The following YPEL1 variants were observed in gnomAD, a reference collection of about 807,000 sequenced individuals.
The protein encoded by YPEL1 is protein yippee-like 1.
A neutral mutation model predicts 17.3 loss-of-function variants in YPEL1; 7 were observed. That is an observed-to-expected ratio of 0.40 (90% CI 0.23 to 0.76). YPEL1 has a LOEUF of 0.76. YPEL1 is among the 30% of genes least tolerant of loss of function. The pLI, the probability that YPEL1 is intolerant of heterozygous loss-of-function variation, is 0.35. For synonymous variants in YPEL1, 59 were observed against 59.6 expected, an observed-to-expected ratio of 0.99 and a Z score of 0.05; for missense variants, 91 against 155.5, an observed-to-expected ratio of 0.59 and a Z score of 2.21.
chr22:21,708,679 T>TAAAAAAAAAAAAAAAAAA (rs2068136705), intron 2 of YPEL1, among the ~76,000 whole-genome samples: 5 of 149,372 alleles, frequency 3.3e-5, no homozygotes, highest in Non-Finnish European at 4.5e-5. Context: ...TTTTTTTTTT[T>TAAAAAAAAAAAAAAAAAA]TTTTAAGACA....
intron 1 of YPEL1, among the ~76,000 whole-genome samples, chr22:21,720,159 C>CA (rs1434260044): frequency 7.7e-6 from 1 of 129,408 alleles, no homozygotes; most frequent in Non-Finnish European, 1.6e-5. Context: ...GCCTGGGTGA[C>CA]AGAGCGAGAC....
chr22:21,706,846 AAAAT>A (rs940147249), intron 2 of YPEL1, among the ~76,000 whole-genome samples: 9 of 152,074 alleles, frequency 5.9e-5, no homozygotes, highest in South Asian at 2.1e-4. Flanking sequence ...GCCCTGTCTA[AAAAT>A]AAATAAATAA....
At position 21,703,442 on chromosome 22, in the gene YPEL1, G is replaced by T; in HGVS notation, c.198C>A (p.Val66=). 1 of 1,612,492 alleles carries T rather than the reference G, an allele frequency of 6.2e-7. No individual in the cohort carries two copies. Residue 66 remains valine (V), a synonymous_variant, in exon 4 of 5, where the codon GTC becomes GTA. Transcript: ENST00000339468. The surrounding 1 kb of genome is among the most constrained non-coding windows in gnomAD (Gnocchi z 6.1). ...NVGCGPAEER[V]LLTGLHAVAD... ...CAACCGCATGCAGCCCGGTGAGAAGGACCCTCTCCTCTGCAGGGCCGCAGC... is the reference window on the plus strand; with the variant it reads ...CAACCGCATGCAGCCCGGTGAGAAGTACCCTCTCCTCTGCAGGGCCGCAGC...
intron 1 of YPEL1, among the ~76,000 whole-genome samples, chr22:21,733,371 A>C (rs1455284861): frequency 6.6e-6 from 1 of 151,740 alleles, no homozygotes; most frequent in Admixed American, 6.6e-5. Flanking sequence ...AGCCGAGATC[A>C]TGCCACTGCA....
chr22:21,710,773 G>C lies in YPEL1; in HGVS notation c.-29C>G. 6.3e-7 allele frequency: 1 copy of C among 1,599,424 alleles called. No homozygotes were observed. The highest frequency in any genetic ancestry group is 8.6e-7 in the Non-Finnish European group (1 of 1,166,708). ...TCCTGGGCACTCCTCACTCAGCTCA[G>C]GGCTGGTTCTGGAAGAACCGTGGCT... is the stretch of plus-strand genomic sequence containing the variant. On this transcript the variant is annotated 5_prime_UTR_variant, in exon 2 of 5. Transcript: ENST00000339468.
At chr22:21,714,008 G>A (rs11913755) in intron 1 of YPEL1, among the ~76,000 whole-genome samples, 4,016 of 152,206 alleles carry the variant, frequency 0.026, 176 homozygotes, top group African/African-American at 0.091. Context: ...CGCCAGCAGT[G>A]TCCTCACACC....
intron 1 of YPEL1, among the ~76,000 whole-genome samples, chr22:21,724,503 C>T (rs1265278532): frequency 6.6e-6 from 1 of 151,986 alleles, no homozygotes; most frequent in Non-Finnish European, 1.5e-5. Context: ...CACCACTGCA[C>T]TCCAGCATGG....
At chr22:21,711,399 A>G (rs1430980691) in intron 1 of YPEL1, among the ~76,000 whole-genome samples, 3 of 152,244 alleles carry the variant, frequency 2.0e-5, no homozygotes, top group Non-Finnish European at 4.4e-5. Flanking sequence ...CTTTGGAAAC[A>G]TGAAAGGAGA....
rs1306130140 is a variant in YPEL1 at position 21,701,202 on chromosome 22, C to T, written c.287G>A (p.Ser96Asn). Residue 96 changes from serine (S) to asparagine (N), a missense_variant, in exon 5 of 5, where the codon AGC (serine) becomes AAC (asparagine). Ser to Asn is a conservative substitution (Grantham distance 46, BLOSUM62 1). Transcript: ENST00000339468. ...TTTTCCTTCCTTATATTTCTGACTG[C>T]TCTCAAAGGCATGCTCCTTGAAAAA... is the stretch of plus-strand genomic sequence containing the variant. ...LGWKYEHAFESSQKYKEGKFI... is the reference protein window; with the variant it reads ...LGWKYEHAFENSQKYKEGKFI... 1.2e-6 allele frequency: 2 copies of T among 1,613,580 alleles called. No individual in the cohort carries two copies. Among genetic ancestry groups the T allele is most frequent in the Admixed American group, 1.7e-5 (1 of 59,984 alleles).
At chr22:21,716,854 C>T (rs1601634083) in intron 1 of YPEL1, among the ~76,000 whole-genome samples, 1 of 152,162 alleles carries the variant, frequency 6.6e-6, no homozygotes, top group African/African-American at 2.4e-5. Flanking sequence ...TGAGGCAGAC[C>T]ATGAGGCTCC....
chr22:21,729,886 A>G (rs1445782954), intron 1 of YPEL1, among the ~76,000 whole-genome samples: 3 of 152,152 alleles, frequency 2.0e-5, no homozygotes, highest in Admixed American at 6.6e-5. Context: ...GGTGGCTCAC[A>G]TCTGTAATCC....
intron 1 of YPEL1, among the ~76,000 whole-genome samples, chr22:21,719,722 T>C (rs1338722332): frequency 6.6e-6 from 1 of 151,832 alleles, no homozygotes; most frequent in Admixed American, 6.6e-5. Context: ...CCGTCTCTAT[T>C]GAAAATACAA....
intron 2 of YPEL1, among the ~76,000 whole-genome samples, chr22:21,707,469 A>G (rs73149915): frequency 0.3 from 46,327 of 152,074 alleles, 7,304 homozygotes; most frequent in Non-Finnish European, 0.35. Context: ...TGTCCCTGGT[A>G]GACTTCTCAC....
In YPEL1 at chr22:21,703,756, T is replaced by G; in HGVS notation, c.161+83A>C. 2.1e-6 allele frequency: 3 copies of G among 1,461,352 alleles called. No individual in the cohort carries two copies. The highest frequency in any genetic ancestry group is 2.8e-6 in the Non-Finnish European group (3 of 1,070,242). The allele number at this position is 1,461,352 out of a possible 1,614,324, so 90.5% of individuals were successfully genotyped here. A position where few individuals can be genotyped will look rare whatever the true frequency, so the allele number is the denominator to read the frequency against. ...TCAGGACCCCTAAAGACCCAGGTGATTCTACACAGGGCACTGTGTAGGTGC... is the reference window on the plus strand; with the variant it reads ...TCAGGACCCCTAAAGACCCAGGTGAGTCTACACAGGGCACTGTGTAGGTGC... On this transcript the variant is annotated intron_variant, in intron 3 of 4. Coordinates refer to ENST00000339468, the MANE Select transcript of YPEL1 (RefSeq NM_013313.5). The surrounding 1 kb of genome is among the most constrained non-coding windows in gnomAD (Gnocchi z 6.1).
chr22:21,719,229 C>T (rs552521278), intron 1 of YPEL1, among the ~76,000 whole-genome samples: 4 of 152,262 alleles, frequency 2.6e-5, no homozygotes, highest in South Asian at 2.1e-4. Context: ...ACACGGTGCA[C>T]GAGGATGTCA....
chr22:21,733,348 G>A (rs900668130), intron 1 of YPEL1, among the ~76,000 whole-genome samples: 1 of 151,798 alleles, frequency 6.6e-6, no homozygotes, highest in Non-Finnish European at 1.5e-5. Context: ...CCCTGGAGGT[G>A]GAGGCTGCAG....
At position 21,703,487 on chromosome 22, in the gene YPEL1, A is replaced by G. The variant is rs918212256; in HGVS notation, c.162-9T>C. On this transcript the variant is annotated splice_polypyrimidine_tract_variant and intron_variant, in intron 3 of 4. Transcript: ENST00000339468. The surrounding 1 kb of genome is among the most constrained non-coding windows in gnomAD (Gnocchi z 6.1). The stretch of plus-strand genomic sequence containing the variant: ...CGCAGCCCACGTTCACCCTGCGGGG[A>G]CAGAGGGGCCACTGCGCTGCAGGCC... 5.6e-6 allele frequency: 9 copies of G among 1,605,280 alleles called. No homozygotes were observed. The highest frequency in any genetic ancestry group is 1.7e-5 in the Admixed American group (1 of 59,950).
chr22:21,705,597 C>T (rs1460454698), intron 2 of YPEL1, among the ~76,000 whole-genome samples: 1 of 152,172 alleles, frequency 6.6e-6, no homozygotes, highest in Non-Finnish European at 1.5e-5. Flanking sequence ...AAAAAGCACA[C>T]ACTATAGGAC....
Position 21,735,645 on chromosome 22 carries a change from A to AG in YPEL1, c.-196dup, listed in dbSNP as rs2068429733. 6.7e-6 allele frequency: 1 copy of AG among 150,264 alleles called. No homozygotes were observed. Among genetic ancestry groups the AG allele is most frequent in the African/African-American group, 2.4e-5 (1 of 40,832 alleles). The allele number at this position is 150,264 out of a possible 1,614,324, so 9.3% of individuals were successfully genotyped here. ...CTCCGCGGTCCGCGCCCCGGCCCGC[A>AG]GCGCCCATCCGGCCCGGGCCCCGGT... On this transcript the variant is annotated 5_prime_UTR_variant, in exon 1 of 5. The change abolishes the stop of an existing upstream ORF in the 5' untranslated region. Coordinates refer to ENST00000339468, the MANE Select transcript of YPEL1 (RefSeq NM_013313.5).
Sources: gnomAD v4.1 joint callset for allele counts (sites outside exome capture counted in the v4.1 genomes callset) on GRCh38, gnomAD v4.1.1 for gene constraint, Gnocchi (gnomAD v3.1) non-coding constraint, MANE v1.5 for transcripts, NCBI Gene and HGNC (gene_info 2026-07-23, HGNC 2026-07-21) for gene names.